CEMIP2: variants seen among roughly 807,000 people sequenced by gnomAD.
CEMIP2 encodes the protein cell surface hyaluronidase CEMIP2.
In CEMIP2, 79 loss-of-function variants were observed where a neutral mutation model predicts 146.9. The ratio of observed to expected loss-of-function variants is 0.54; its 90% confidence interval spans 0.45 to 0.65. The LOEUF (loss-of-function observed/expected upper bound fraction) is 0.65. Ranked by LOEUF, CEMIP2 falls within the 30% of genes least tolerant of loss-of-function variation. The probability of loss-of-function intolerance (pLI) is 0.00; values close to 1 mark genes in which losing one functional copy is unlikely to be tolerated. For missense variants in CEMIP2, 1,596 were observed against 1,696.2 expected, an observed-to-expected ratio of 0.94 and a Z score of 1.04; for synonymous variants, 601 against 606.3, an observed-to-expected ratio of 0.99 and a Z score of 0.13.
intron 5 of CEMIP2, among the ~76,000 whole-genome samples, chr9:71,735,339 C>T (rs761847635): frequency 1.3e-5 from 2 of 152,032 alleles, no homozygotes; most frequent in Non-Finnish European, 2.9e-5. Flanking sequence ...GTTATACTGA[C>T]CCCAAACCAT....
intron 11 of CEMIP2, among the ~76,000 whole-genome samples, chr9:71,724,970 A>G (rs1182010136): frequency 6.6e-6 from 1 of 152,174 alleles, no homozygotes; most frequent in Non-Finnish European, 1.5e-5. Flanking sequence ...ATGAGGACAC[A>G]TGAATCAAAT....
chr9:71,754,899 TAAA>T lies in CEMIP2; in HGVS notation c.-12-4517_-12-4515del, dbSNP rs35881443. Among the ~76,000 whole-genome samples the T allele has an allele frequency of 3.3e-3, 504 of 150,972 alleles. 3 individuals carry two copies. The highest frequency in any genetic ancestry group is 2.3e-3 in the Non-Finnish European group (159 of 67,700). On this transcript the variant is annotated intron_variant, in intron 1 of 23. Transcript: ENST00000377044. Reference sequence around the variant, plus strand: ...TCTACTTAAAATATACAAATGCTGTTAAAAAAAAATACAAATGCTGGAAAAACA... The same window carrying T: ...TCTACTTAAAATATACAAATGCTGTTAAAAAATACAAATGCTGGAAAAACA...
In CEMIP2 at chr9:71,685,062, C is replaced by T. The variant is rs571890310; in HGVS notation, c.*135G>A. The T allele has an allele frequency of 1.6e-4, 123 of 785,412 alleles. No homozygotes were observed. Among genetic ancestry groups the T allele is most frequent in the African/African-American group, 1.5e-3 (87 of 57,080 alleles). The allele number at this position is 785,412 out of a possible 1,614,324, so 48.7% of individuals were successfully genotyped here. A position where few individuals can be genotyped will look rare whatever the true frequency, so the allele number is the denominator to read the frequency against. On this transcript the variant is annotated 3_prime_UTR_variant, in exon 24 of 24. Transcript: ENST00000377044. Reference sequence around the variant, plus strand: ...CTGGTATCCAAGCAATAATTTCAAACGCTTTCTTTTCTCCCCATTCTGTAT... The same window carrying T: ...CTGGTATCCAAGCAATAATTTCAAATGCTTTCTTTTCTCCCCATTCTGTAT...
intron 18 of CEMIP2, among the ~76,000 whole-genome samples, chr9:71,702,938 AT>A (rs1259495641): frequency 6.6e-6 from 1 of 152,176 alleles, no homozygotes; most frequent in African/African-American, 2.4e-5. Flanking sequence ...CTCACCTCCA[AT>A]TCATAATTCT....
intron 18 of CEMIP2, among the ~76,000 whole-genome samples, chr9:71,701,231 G>C (rs577858028): frequency 6.6e-6 from 1 of 151,996 alleles, no homozygotes; most frequent in Non-Finnish European, 1.5e-5. Context: ...TCAGCCTCTC[G>C]AGTAGCTGGG....
intron 1 of CEMIP2, among the ~76,000 whole-genome samples, chr9:71,759,086 A>G (rs1034156444): frequency 6.6e-6 from 1 of 152,172 alleles, no homozygotes; most frequent in Non-Finnish European, 1.5e-5. Flanking sequence ...GGTAGAAGGG[A>G]AATGCACCAA....
chr9:71,718,434 T>C (rs751821015), intron 12 of CEMIP2, among the ~76,000 whole-genome samples: 3 of 152,172 alleles, frequency 2.0e-5, no homozygotes, highest in Non-Finnish European at 4.4e-5. Context: ...TATAAACTTA[T>C]TTAATAAATT....
chr9:71,725,018 T>TGTTGCACATACCTATATGC (rs1554684078), intron 11 of CEMIP2, among the ~76,000 whole-genome samples: 2 of 141,002 alleles, frequency 1.4e-5, no homozygotes, highest in Admixed American at 6.9e-5. Flanking sequence ...TGCATGTATG[T>TGTTGCACATACCTATATGC]GTTGCACATA....
intron 7 of CEMIP2, 128 bp from the exon 8 acceptor site, chr9:71,731,042 GT>G: frequency 1.3e-6 from 1 of 756,712 alleles, no homozygotes. Flanking sequence ...TTTGCATCCT[GT>G]TTTCCCAGAT....
intron 5 of CEMIP2, among the ~76,000 whole-genome samples, chr9:71,739,361 CAAAAAAAAAA>C (rs71353516): frequency 1.4e-4 from 6 of 42,816 alleles, no homozygotes; most frequent in South Asian, 1.5e-3. Context: ...GACTCTGTCT[CAAAAAAAAAA>C]AAAAAAAAAA....
intron 10 of CEMIP2, among the ~76,000 whole-genome samples, chr9:71,728,815 T>TTGTGTGTGTGTGTG (rs33987875): frequency 4.7e-5 from 7 of 148,204 alleles, no homozygotes; most frequent in African/African-American, 1.7e-4. Context: ...TGTGGGGTTT[T>TTGTGTGTGTGTGTG]TGTGTGTGTG....
Position 71,766,817 on chromosome 9 carries a change from T to G in CEMIP2, c.-13+1540A>C, listed in dbSNP as rs914406193. Among the ~76,000 whole-genome samples the G allele has an allele frequency of 2.0e-5, 3 of 152,352 alleles. No homozygotes were observed. In the East Asian group the frequency reaches 5.8e-4, roughly 29 times the overall value. The stretch of plus-strand genomic sequence containing the variant: ...GCTTCTAATCTTAGTTTTCTGAGCC[T>G]TTAAGCACACATACATCAGAAAAAA... On this transcript the variant is annotated intron_variant, in intron 1 of 23. Transcript: ENST00000377044.
chr9:71,717,973 C>T lies in CEMIP2; in HGVS notation c.2374G>A (p.Gly792Arg), dbSNP rs1362619931. ...NNDNGAWVRG[G>R]DIIVQNSAFA... ...GCTGAATTTTGAACGATAATATCTCCTCCTCTGACCCAAGCTCCATTATCA... is the reference window on the plus strand; with the variant it reads ...GCTGAATTTTGAACGATAATATCTCTTCCTCTGACCCAAGCTCCATTATCA... The change falls in exon 13 of 24, where the codon GGA (glycine) becomes AGA (arginine). Residue 792 changes from glycine to arginine, a missense_variant. Gly to Arg is a moderately radical substitution (Grantham distance 125, BLOSUM62 -2). Transcript: ENST00000377044. 6.2e-7 allele frequency: 1 copy of T among 1,609,672 alleles called. No homozygotes were observed. Among genetic ancestry groups the T allele is most frequent in the Non-Finnish European group, 8.5e-7 (1 of 1,177,882 alleles).
intron 22 of CEMIP2, among the ~76,000 whole-genome samples, chr9:71,688,066 A>G (rs1822120803): frequency 6.6e-6 from 1 of 152,134 alleles, no homozygotes; most frequent in Admixed American, 6.5e-5. Context: ...TACATTGCCC[A>G]GGCTAGTCTT....
chr9:71,695,892 G>C (rs148877284), intron 20 of CEMIP2, among the ~76,000 whole-genome samples: 2 of 152,102 alleles, frequency 1.3e-5, no homozygotes, highest in African/African-American at 4.8e-5. Context: ...AAAGTGGGAG[G>C]ATCGCTTGAG....
chr9:71,738,910 A>AT (rs1564018686), intron 5 of CEMIP2, among the ~76,000 whole-genome samples: 1 of 152,140 alleles, frequency 6.6e-6, no homozygotes, highest in African/African-American at 2.4e-5. Context: ...TATCTGTTAA[A>AT]TTTTTTTAAA....
intron 19 of CEMIP2, 63 bp downstream of exon 19, chr9:71,700,579 C>T: frequency 6.7e-7 from 1 of 1,496,206 alleles, no homozygotes; most frequent in Non-Finnish European, 9.0e-7. Context: ...TGCTGAAGAA[C>T]TAGCAATTTC....
At chr9:71,710,747 T>C (rs1552709) in intron 16 of CEMIP2, among the ~76,000 whole-genome samples, 94,400 of 151,928 alleles carry the variant, frequency 0.62, 30,070 homozygotes, top group East Asian at 0.71. Context: ...GTCTCCGTAC[T>C]GGACAGGGGA....
Position 71,730,202 on chromosome 9 carries a change from C to G in CEMIP2, c.1825G>C (p.Asp609His), listed in dbSNP as rs1366623911. The G allele has an allele frequency of 3.7e-6, 6 of 1,614,180 alleles. No homozygotes were observed. In the Admixed American group the frequency reaches 1.0e-4, roughly 27 times the overall value. ...DTLGHCFFLE[D>H]GIEQRNTLFH... is the part of the protein sequence containing the mutation. ...AAAGTATTCCTCTGTTCAATACCATCTTCCAAAAAGAAACAATGACCTAGT... is the reference window on the plus strand; with the variant it reads ...AAAGTATTCCTCTGTTCAATACCATGTTCCAAAAAGAAACAATGACCTAGT... Residue 609 changes from aspartate (D) to histidine (H), a missense_variant, in exon 9 of 24, where the codon GAT (aspartate) becomes CAT (histidine). Asp to His is a moderately conservative substitution (Grantham distance 81). Coordinates refer to ENST00000377044, the MANE Select transcript of CEMIP2 (RefSeq NM_013390.3).
Sources: allele counts gnomAD v4.1 joint callset (sites outside exome capture counted in the v4.1 genomes callset), GRCh38; gene constraint gnomAD v4.1.1; transcripts MANE v1.5; gene names NCBI Gene and HGNC (gene_info 2026-07-23, HGNC 2026-07-21).